ACSM4: variants seen among roughly 807,000 people sequenced by gnomAD.
ACSM4 encodes the protein acyl-coenzyme A synthetase ACSM4, mitochondrial.
ACSM4 carries 66 observed loss-of-function variants against 73.0 expected under a neutral mutation model. That is an observed-to-expected ratio of 0.90 (90% CI 0.74 to 1.11). ACSM4 has a LOEUF of 1.11. Ranked by LOEUF, ACSM4 falls within the 50% of genes least tolerant of loss-of-function variation. The probability of loss-of-function intolerance (pLI) is 0.00; values close to 1 mark genes in which losing one functional copy is unlikely to be tolerated. For missense variants in ACSM4, 645 were observed against 714.4 expected (o/e 0.90, Z 1.11); for synonymous variants, 222 against 254.0 (o/e 0.87, Z 1.20).
At chr12:7,308,916 C>A (rs373804591) in intron 2 of ACSM4, among the ~76,000 whole-genome samples, 2 of 152,178 alleles carry the variant, frequency 1.3e-5, no homozygotes, top group South Asian at 4.1e-4. Context: ...ATCTTTGAAT[C>A]TTTTCTATCC....
At chr12:7,305,317 A>T (rs1946356078) in intron 1 of ACSM4, among the ~76,000 whole-genome samples, 6 of 152,206 alleles carry the variant, frequency 3.9e-5, no homozygotes, top group Admixed American at 3.9e-4. Flanking sequence ...AAGTGGTAAT[A>T]ATTGTCCAAT....
chr12:7,304,209 A>T lies in ACSM4; in HGVS notation c.-123A>T. On this transcript the variant is annotated 5_prime_UTR_variant, in exon 1 of 13. Coordinates refer to ENST00000399422, the MANE Select transcript of ACSM4 (RefSeq NM_001080454.2). Reference sequence around the variant, plus strand: ...GTTCCCCAACTTGCCAGGGACACACAGCCACAAATCCACCTCCCAGTCTCA... The same window carrying T: ...GTTCCCCAACTTGCCAGGGACACACTGCCACAAATCCACCTCCCAGTCTCA... The T allele has an allele frequency of 9.6e-7, 1 of 1,039,200 alleles. No individual in the cohort carries two copies. The highest frequency in any genetic ancestry group is 1.6e-5 in the African/African-American group (1 of 62,758). The allele number at this position is 1,039,200 out of a possible 1,614,324, so 64.4% of individuals were successfully genotyped here.
At chr12:7,326,748 C>T (rs1011573959) in intron 11 of ACSM4, among the ~76,000 whole-genome samples, 1 of 152,190 alleles carries the variant, frequency 6.6e-6, no homozygotes, top group Admixed American at 6.5e-5. Flanking sequence ...ACTTAGCTTT[C>T]TTGAACTGCT....
chr12:7,306,218 C>A (rs1327190818), intron 1 of ACSM4, among the ~76,000 whole-genome samples: 2 of 152,222 alleles, frequency 1.3e-5, no homozygotes, highest in Admixed American at 6.5e-5. Flanking sequence ...AACCCATAGA[C>A]AAGTTTTGTA....
intron 3 of ACSM4, among the ~76,000 whole-genome samples, chr12:7,311,392 C>T (rs1032190098): frequency 3.3e-5 from 5 of 152,052 alleles, no homozygotes; most frequent in Non-Finnish European, 5.9e-5. Context: ...ACCTCCGCTC[C>T]TGTTATTTCT....
At chr12:7,308,644 T>TG (rs1946373643) in intron 2 of ACSM4, among the ~76,000 whole-genome samples, 1 of 152,188 alleles carries the variant, frequency 6.6e-6, no homozygotes, top group African/African-American at 2.4e-5. Flanking sequence ...TAAGAACAAG[T>TG]GGTTTGTAAA....
In ACSM4 at chr12:7,323,678, G is replaced by A; in HGVS notation, c.1308+118G>A. ...ACAAAATCTTTCACAACTGTAAAAT[G>A]GGGAGACTATCATCTGTCACCCAAG... On this transcript the variant is annotated intron_variant, in intron 9 of 12. Coordinates refer to ENST00000399422, the MANE Select transcript of ACSM4 (RefSeq NM_001080454.2). The A allele has an allele frequency of 1.1e-5, 9 of 850,398 alleles. 1 individual carries two copies. The South Asian group carries it at 1.4e-4, about 13-fold the overall frequency. The allele number at this position is 850,398 out of a possible 1,614,324, so 52.7% of individuals were successfully genotyped here.
At chr12:7,310,891 T>G in intron 3 of ACSM4, 145 bp downstream of exon 3, 1 of 893,988 alleles carries the variant, frequency 1.1e-6, no homozygotes, top group Non-Finnish European at 1.7e-6. Context: ...AATAGCTGGG[T>G]GCGCTGGCTC....
chr12:7,324,943 C>T (rs1009631369), intron 11 of ACSM4, among the ~76,000 whole-genome samples: 1 of 152,096 alleles, frequency 6.6e-6, no homozygotes, highest in Non-Finnish European at 1.5e-5. Context: ...ACTTTTGGCT[C>T]TGCTATTCTT....
chr12:7,322,119 A>C (rs1421713227), intron 6 of ACSM4, among the ~76,000 whole-genome samples: 1 of 152,222 alleles, frequency 6.6e-6, no homozygotes, highest in East Asian at 1.9e-4. Flanking sequence ...GCTCATCAAA[A>C]GCACTTAGTA....
At chr12:7,322,829 C>T (rs1044154930) in intron 7 of ACSM4, among the ~76,000 whole-genome samples, 1 of 152,150 alleles carries the variant, frequency 6.6e-6, no homozygotes, top group African/African-American at 2.4e-5. Flanking sequence ...TTCCACTGTG[C>T]TGGGAATAAT....
chr12:7,328,447 A>G lies in ACSM4; in HGVS notation c.*74A>G. The G allele has an allele frequency of 8.6e-7, 1 of 1,166,460 alleles. No homozygotes were observed. The highest frequency in any genetic ancestry group is 1.6e-5 in the South Asian group (1 of 62,280). The allele number at this position is 1,166,460 out of a possible 1,614,324, so 72.3% of individuals were successfully genotyped here. On this transcript the variant is annotated 3_prime_UTR_variant, in exon 13 of 13. Coordinates refer to ENST00000399422, the MANE Select transcript of ACSM4 (RefSeq NM_001080454.2). ...TAGTATTTGTTCCGATAATTCAGCG[A>G]CTACTCTCTTAAAATGTTTAAGATC...
intron 5 of ACSM4, among the ~76,000 whole-genome samples, chr12:7,319,542 A>G (rs1286964936): frequency 2.7e-5 from 4 of 149,874 alleles, no homozygotes; most frequent in Non-Finnish European, 4.5e-5. Flanking sequence ...GTGAGCCGAG[A>G]TCACACTACT....
At chr12:7,312,032 C>A (rs1256864476) in intron 3 of ACSM4, among the ~76,000 whole-genome samples, 1 of 152,172 alleles carries the variant, frequency 6.6e-6, no homozygotes, top group Non-Finnish European at 1.5e-5. Context: ...CATCCATGCT[C>A]ATTTTTCACA....
chr12:7,315,481 C>T (rs1444302842), intron 3 of ACSM4, among the ~76,000 whole-genome samples: 1 of 150,330 alleles, frequency 6.7e-6, no homozygotes, highest in African/African-American at 2.4e-5. Context: ...TGTCGTGGTG[C>T]ATTGTCTGTA....
At chr12:7,306,860 AAAAAG>A (rs1946365460) in intron 2 of ACSM4, 117 bp downstream of exon 2, 1 of 1,041,860 alleles carries the variant, frequency 9.6e-7, no homozygotes, top group Non-Finnish European at 1.4e-6. Flanking sequence ...AAAAAAAAAA[AAAAAG>A]AAGAGTTAAG....
Position 7,304,262 on chromosome 12 carries a change from T to A in ACSM4, c.-70T>A. 4.0e-6 allele frequency: 6 copies of A among 1,484,140 alleles called. No homozygotes were observed. The highest frequency in any genetic ancestry group is 5.6e-6 in the Non-Finnish European group (6 of 1,068,720). The allele number at this position is 1,484,140 out of a possible 1,614,324, so 91.9% of individuals were successfully genotyped here. ...ACAGAGCATCAAGAAACTGATACTC[T>A]CTATCCATCTCTCCCTACAGGCTGT... On this transcript the variant is annotated 5_prime_UTR_variant, in exon 1 of 13. Coordinates refer to ENST00000399422, the MANE Select transcript of ACSM4 (RefSeq NM_001080454.2).
rs184995926 is a variant in ACSM4 at position 7,322,713 on chromosome 12, A to G, written c.1125+172A>G. 1.0e-3 allele frequency among the ~76,000 whole-genome samples: 155 copies of G among 152,206 alleles called. No individual in the cohort carries two copies. Among genetic ancestry groups the G allele is most frequent in the African/African-American group, 3.5e-3 (144 of 41,532 alleles). On this transcript the variant is annotated intron_variant, in intron 7 of 12. Coordinates refer to ENST00000399422, the MANE Select transcript of ACSM4 (RefSeq NM_001080454.2). ...TTGCAGATTGCTCAGTTAGGTTTTG[A>G]TGAAGGAGAATGATGATTATTCCAT...
Position 7,328,352 on chromosome 12 carries a change from C to A in ACSM4, c.1722C>A (p.Asp574Glu), listed in dbSNP as rs1565757431. 1 of 1,592,088 alleles carries A rather than the reference C, an allele frequency of 6.3e-7. No individual in the cohort carries two copies. The highest frequency in any genetic ancestry group is 1.1e-5 in the South Asian group (1 of 87,012). Residue 574 changes from aspartate to glutamate, a missense_variant, in exon 13 of 13, where the codon GAC becomes GAA. Physicochemically the swap from Asp to Glu is conservative, Grantham distance 45. Coordinates refer to ENST00000399422, the MANE Select transcript of ACSM4 (RefSeq NM_001080454.2). Reference sequence around the variant, plus strand: ...AAATCAAACGCAACGTTTTAAGAGACCAAGAATGGAGAGGAAGATAGTTTG... The same window carrying A: ...AAATCAAACGCAACGTTTTAAGAGAACAAGAATGGAGAGGAAGATAGTTTG... ...TGKIKRNVLR[D>E]QEWRGR
Sources: allele counts gnomAD v4.1 joint callset (sites outside exome capture counted in the v4.1 genomes callset), GRCh38; gene constraint gnomAD v4.1.1; transcripts MANE v1.5; gene names NCBI Gene and HGNC (gene_info 2026-07-23, HGNC 2026-07-21).